C12orf54: variants seen among roughly 807,000 people sequenced by gnomAD.
C12orf54 encodes uncharacterized protein C12orf54.
C12orf54 carries 24 observed loss-of-function variants against 26.4 expected under a neutral mutation model. The observed-to-expected ratio is 0.91, with a 90% CI of 0.66 to 1.28. The LOEUF is 1.28. Ranked by LOEUF, C12orf54 falls within the 50% of genes most tolerant of loss-of-function variation. The probability of loss-of-function intolerance (pLI) is 0.00; values close to 1 mark genes in which losing one functional copy is unlikely to be tolerated. For missense variants in C12orf54, 154 were observed against 150.9 expected (o/e 1.02, Z -0.11); for synonymous variants, 54 against 47.0 (o/e 1.15, Z -0.61).
chr12:48,478,483 G>A (rs563764269), upstream of C12orf54, among the ~76,000 whole-genome samples: 2 of 152,152 alleles, frequency 1.3e-5, no homozygotes, highest in Non-Finnish European at 2.9e-5. Context: ...TGACATGTTT[G>A]TATATCTAGA....
At chr12:48,488,063 GC>G in intron 4 of C12orf54, 1 of 967,548 alleles carries the variant, frequency 1.0e-6, no homozygotes, top group Non-Finnish European at 1.7e-6. Flanking sequence ...ACAAGAATGT[GC>G]CCATCCTTCA....
At chr12:48,478,372 A>C (rs954626985), upstream of C12orf54, among the ~76,000 whole-genome samples, 1 of 152,220 alleles carries the variant, frequency 6.6e-6, no homozygotes, top group African/African-American at 2.4e-5. Flanking sequence ...ACTCCTATTC[A>C]ACATAGTGTT....
the C12orf54 span, among the ~76,000 whole-genome samples, chr12:48,477,282 C>T: frequency 6.6e-6 from 1 of 152,076 alleles, no homozygotes. Flanking sequence ...TAAATGCCCA[C>T]AAGAGAAAGC....
At chr12:48,483,428 G>A in intron 2 of C12orf54, 67 bp downstream of exon 2, 1 of 1,485,942 alleles carries the variant, frequency 6.7e-7, no homozygotes, top group East Asian at 2.3e-5. Flanking sequence ...AAGAACCAGG[G>A]CCTCCTGTCT....
the C12orf54 span, among the ~76,000 whole-genome samples, chr12:48,444,452 G>A: frequency 6.6e-6 from 1 of 152,294 alleles, no homozygotes; most frequent in South Asian, 2.1e-4. Flanking sequence ...CTTAAATCGT[G>A]GGGGGAATTT....
At chr12:48,416,441 T>A in the C12orf54 span, among the ~76,000 whole-genome samples, 4 of 152,224 alleles carry the variant, frequency 2.6e-5, no homozygotes, top group Admixed American at 2.6e-4. Flanking sequence ...TCCTTCCTTC[T>A]GAGGATGGTG....
At chr12:48,493,386 A>T (rs937785038) in intron 7 of C12orf54, among the ~76,000 whole-genome samples, 2 of 152,192 alleles carry the variant, frequency 1.3e-5, no homozygotes, top group Non-Finnish European at 2.9e-5. Flanking sequence ...GTATAATCCC[A>T]GTACTTCTGG....
the C12orf54 span, among the ~76,000 whole-genome samples, chr12:48,467,846 T>C: frequency 2.0e-5 from 3 of 152,174 alleles, no homozygotes; most frequent in African/African-American, 2.4e-5. Context: ...ATTTAGTCTT[T>C]TGTTGGGGGG....
chr12:48,434,023 G>T, the C12orf54 span, among the ~76,000 whole-genome samples: 3 of 152,166 alleles, frequency 2.0e-5, no homozygotes, highest in Admixed American at 6.5e-5. Context: ...TCAAAGAAAG[G>T]GGTGACAGAT....
intron 2 of C12orf54, 157 bp downstream of exon 2, chr12:48,483,518 C>A: frequency 3.4e-6 from 2 of 584,772 alleles, no homozygotes; most frequent in Non-Finnish European, 6.0e-6. Context: ...TCTTCTCCAT[C>A]TCCTTAATGA....
the C12orf54 span, chr12:48,473,009 C>G: frequency 8.1e-6 from 13 of 1,613,842 alleles, no homozygotes; most frequent in Non-Finnish European, 1.1e-5. Flanking sequence ...TAGAAAACCT[C>G]GAGAGCTTAG....
chr12:48,455,717 G>C, the C12orf54 span, among the ~76,000 whole-genome samples: 9,364 of 152,236 alleles, frequency 0.062, 963 homozygotes, highest in African/African-American at 0.21. Flanking sequence ...TGGAAGTCTA[G>C]AGAACAGGCA....
At chr12:48,418,808 TA>T in the C12orf54 span, among the ~76,000 whole-genome samples, 19 of 151,930 alleles carry the variant, frequency 1.3e-4, no homozygotes, top group African/African-American at 1.7e-4. Context: ...CACATGATGT[TA>T]AAAAAAATTT....
the C12orf54 span, among the ~76,000 whole-genome samples, chr12:48,420,550 GA>G: frequency 6.6e-6 from 1 of 152,052 alleles, no homozygotes; most frequent in Non-Finnish European, 1.5e-5. Context: ...CCATCTCTTT[GA>G]AATGAAAACT....
At chr12:48,484,873 A>T (rs1026876658) in intron 2 of C12orf54, among the ~76,000 whole-genome samples, 1 of 152,194 alleles carries the variant, frequency 6.6e-6, no homozygotes, top group African/African-American at 2.4e-5. Context: ...GTATCAATAA[A>T]TAAAAGGATG....
chr12:48,443,931 G>T, the C12orf54 span, among the ~76,000 whole-genome samples: 2 of 152,144 alleles, frequency 1.3e-5, no homozygotes, highest in Non-Finnish European at 1.5e-5. Context: ...ACACCGCCCA[G>T]CATTAATGCT....
the C12orf54 span, among the ~76,000 whole-genome samples, chr12:48,435,122 C>T: frequency 6.6e-6 from 1 of 152,190 alleles, no homozygotes; most frequent in South Asian, 2.1e-4. Flanking sequence ...ATGCACAAGC[C>T]TCAGTAACTG....
chr12:48,432,963 A>G, the C12orf54 span, among the ~76,000 whole-genome samples: 2 of 152,234 alleles, frequency 1.3e-5, no homozygotes, highest in Admixed American at 6.5e-5. Context: ...TATAAACAAG[A>G]CAGTAGTACT....
chr12:48,473,947 C>G, the C12orf54 span, among the ~76,000 whole-genome samples: 4 of 152,232 alleles, frequency 2.6e-5, 1 homozygote, highest in Admixed American at 1.3e-4. Context: ...GGGGACATTC[C>G]CCATCTCTCA....
Sources: gnomAD v4.1 joint callset for allele counts (sites outside exome capture counted in the v4.1 genomes callset) on GRCh38, gnomAD v4.1.1 for gene constraint, MANE v1.5 for transcripts, NCBI Gene and HGNC (gene_info 2026-07-23, HGNC 2026-07-21) for gene names.